The following DMD variants were observed in gnomAD, a reference collection of about 807,000 sequenced individuals.
DMD encodes the protein dystrophin.
In DMD, 63 loss-of-function variants were observed where a neutral mutation model predicts 330.1. That is an observed-to-expected ratio of 0.19 (90% CI 0.16 to 0.24). DMD has a LOEUF of 0.24. Ranked by LOEUF, DMD falls within the 10% of genes least tolerant of loss-of-function variation. The probability of loss-of-function intolerance (pLI) is 1.00; values close to 1 mark genes in which losing one functional copy is unlikely to be tolerated. For synonymous variants in DMD, 1,223 were observed against 959.8 expected, an observed-to-expected ratio of 1.27 and a Z score of -5.07; for missense variants, 3,344 against 2,684.1, an observed-to-expected ratio of 1.25 and a Z score of -5.43.
intron 7 of DMD, among the ~76,000 whole-genome samples, chrX:32,773,332 GAATAC>G (rs1483728104): frequency 9.0e-6 from 1 of 110,869 alleles, no homozygotes; most frequent in Non-Finnish European, 1.9e-5. Flanking sequence ...TTTGATACAT[GAATAC>G]AACATGTAAT....
intron 7 of DMD, among the ~76,000 whole-genome samples, chrX:32,700,181 T>C (rs1404295187): frequency 9.0e-6 from 1 of 111,629 alleles, no homozygotes; most frequent in Non-Finnish European, 1.9e-5. Context: ...ACTAGAAATG[T>C]TAACACATAA....
At chrX:32,752,875 C>A (rs1286333902) in intron 7 of DMD, among the ~76,000 whole-genome samples, 1 of 110,593 alleles carries the variant, frequency 9.0e-6, no homozygotes, top group Admixed American at 9.7e-5. Flanking sequence ...CTCTGTCATT[C>A]CTGTAAAATG....
chrX:31,126,796 T>G, intron 77 of DMD, 123 bp from the exon 78 acceptor site: 1 of 370,443 alleles, frequency 2.7e-6, no homozygotes, highest in Non-Finnish European at 4.5e-6. Flanking sequence ...CCATTTATTC[T>G]CTGCTGGAAA....
intron 44 of DMD, among the ~76,000 whole-genome samples, chrX:32,008,123 T>C (rs1223375533): frequency 1.8e-5 from 2 of 111,278 alleles, no homozygotes; most frequent in Non-Finnish European, 3.8e-5. Context: ...ACTATGAACA[T>C]ATGCCCTCAG....
intron 44 of DMD, among the ~76,000 whole-genome samples, chrX:32,193,544 T>G (rs1379106): frequency 3.6e-5 from 4 of 109,992 alleles, no homozygotes; most frequent in African/African-American, 1.3e-4. Context: ...TGCTAACATA[T>G]CCTCAATAAA....
intron 67 of DMD, among the ~76,000 whole-genome samples, chrX:31,195,689 A>AAACGGAAGGAAG (rs2042795962): frequency 9.2e-6 from 1 of 108,121 alleles, no homozygotes; most frequent in Non-Finnish European, 1.9e-5. Context: ...GGGGTGATAG[A>AAACGGAAGGAAG]AATGGAAGGA....
chrX:31,511,267 C>T (rs181086399), intron 55 of DMD, among the ~76,000 whole-genome samples: 5 of 93,290 alleles, frequency 5.4e-5, no homozygotes, highest in East Asian at 3.6e-4. Flanking sequence ...TATAACATAA[C>T]ATAATATAAT....
At chrX:32,542,007 G>A (rs902970550) in intron 17 of DMD, among the ~76,000 whole-genome samples, 1 of 111,775 alleles carries the variant, frequency 8.9e-6, no homozygotes, top group Non-Finnish European at 1.9e-5. Context: ...GTTGCTGGAT[G>A]CACAAGCGGA....
chrX:31,585,300 G>A (rs1302193812), intron 55 of DMD, among the ~76,000 whole-genome samples: 1 of 94,276 alleles, frequency 1.1e-5, no homozygotes, highest in Non-Finnish European at 2.1e-5. Flanking sequence ...CTCCAGCCTA[G>A]GCAACAGAGT....
At chrX:32,963,677 G>A (rs1444808718) in intron 2 of DMD, among the ~76,000 whole-genome samples, 2 of 112,019 alleles carry the variant, frequency 1.8e-5, no homozygotes, top group Non-Finnish European at 3.8e-5. Flanking sequence ...TAAAGTTTCT[G>A]AATGAATAAA....
chrX:31,543,411 T>C (rs1022612294), intron 55 of DMD, among the ~76,000 whole-genome samples: 1 of 111,031 alleles, frequency 9.0e-6, no homozygotes, highest in East Asian at 2.8e-4. Context: ...CCTCAGGTGA[T>C]CCGCCCACCT....
chrX:32,291,420 T>G (rs2097467790), intron 42 of DMD, among the ~76,000 whole-genome samples: 2 of 111,837 alleles, frequency 1.8e-5, no homozygotes, highest in Admixed American at 1.9e-4. Context: ...CATGAGAACT[T>G]TTTTCGGAAA....
At chrX:32,853,531 G>A (rs1027937630) in intron 2 of DMD, among the ~76,000 whole-genome samples, 3 of 110,176 alleles carry the variant, frequency 2.7e-5, no homozygotes, top group African/African-American at 6.6e-5. Context: ...TGAAATAATG[G>A]GTTATAGTGT....
At chrX:32,445,522 ATTAAG>A (rs1274319579) in intron 27 of DMD, among the ~76,000 whole-genome samples, 1 of 110,880 alleles carries the variant, frequency 9.0e-6, no homozygotes, top group African/African-American at 3.3e-5. Context: ...GAAATATTTG[ATTAAG>A]TTATGATATT....
At chrX:32,023,128 G>A (rs1238551702) in intron 44 of DMD, among the ~76,000 whole-genome samples, 1 of 111,462 alleles carries the variant, frequency 9.0e-6, no homozygotes, top group Non-Finnish European at 1.9e-5. Context: ...ACTGCGCCCG[G>A]CCAGAACTTG....
intron 50 of DMD, among the ~76,000 whole-genome samples, chrX:31,805,654 G>A (rs984231838): frequency 8.9e-6 from 1 of 111,771 alleles, no homozygotes; most frequent in African/African-American, 3.3e-5. Context: ...AATGATAGTG[G>A]AACACTCTTA....
intron 63 of DMD, among the ~76,000 whole-genome samples, chrX:31,224,140 T>G (rs1176473408): frequency 1.8e-5 from 2 of 112,218 alleles, no homozygotes; most frequent in Non-Finnish European, 3.8e-5. Context: ...CTCTGTCACC[T>G]ACTTCTGTCA....
At chrX:31,265,380 G>C (rs983988320) in intron 62 of DMD, among the ~76,000 whole-genome samples, 4 of 111,300 alleles carry the variant, frequency 3.6e-5, no homozygotes, top group African/African-American at 6.6e-5. Flanking sequence ...GGAGGGGTGG[G>C]CATCAATATA....
intron 60 of DMD, among the ~76,000 whole-genome samples, chrX:31,389,155 A>G (rs1411135697): frequency 3.6e-5 from 4 of 112,030 alleles, no homozygotes; most frequent in African/African-American, 1.3e-4. Flanking sequence ...GCTCCAGCTG[A>G]CTTATTCATT....
Sources: allele counts gnomAD v4.1 joint callset (sites outside exome capture counted in the v4.1 genomes callset), GRCh38; gene constraint gnomAD v4.1.1; transcripts MANE v1.5; gene names NCBI Gene and HGNC (gene_info 2026-07-23, HGNC 2026-07-21).